FLNB: variants seen among roughly 807,000 people sequenced by gnomAD.
FLNB encodes filamin-B.
A neutral mutation model predicts 250.6 loss-of-function variants in FLNB; 111 were observed. The observed-to-expected ratio is 0.44, with a 90% CI of 0.38 to 0.52. The LOEUF is 0.52. Among genes scored for constraint, FLNB ranks in the 20% least tolerant of loss-of-function variants. The probability of loss-of-function intolerance (pLI) is 0.00; values close to 1 mark genes in which losing one functional copy is unlikely to be tolerated. For missense variants in FLNB, 2,869 were observed against 3,447.8 expected, an observed-to-expected ratio of 0.83 and a Z score of 4.20; for synonymous variants, 1,302 against 1,372.1, an observed-to-expected ratio of 0.95 and a Z score of 1.13.
Position 58,105,226 on chromosome 3 carries a change from C to T in FLNB, c.1747+10C>T, listed in dbSNP as rs1365310856. The stretch of plus-strand genomic sequence containing the variant: ...GAAGTGGGGTCTCTGGGTAAGTGGA[C>T]ACAGCTGACCAGCATCTTCTGGAGG... On this transcript the variant is annotated intron_variant, in intron 11 of 45. Transcript: ENST00000295956. 1.2e-6 allele frequency: 2 copies of T among 1,613,980 alleles called. No homozygotes were observed. The highest frequency in any genetic ancestry group is 2.2e-5 in the East Asian group (1 of 44,872).
chr3:58,039,997 T>G (rs1356532215), intron 1 of FLNB, among the ~76,000 whole-genome samples: 3 of 152,046 alleles, frequency 2.0e-5, no homozygotes, highest in South Asian at 2.1e-4. Flanking sequence ...ATACAAAAAT[T>G]AGCTGGGTCT....
intron 1 of FLNB, among the ~76,000 whole-genome samples, chr3:58,024,222 C>G (rs951510681): frequency 3.3e-5 from 5 of 152,162 alleles, no homozygotes; most frequent in Non-Finnish European, 5.9e-5. Flanking sequence ...GAGCATGGGT[C>G]AGATAGACCT....
At chr3:58,030,973 G>C (rs1407046419) in intron 1 of FLNB, among the ~76,000 whole-genome samples, 1 of 152,110 alleles carries the variant, frequency 6.6e-6, no homozygotes, top group Non-Finnish European at 1.5e-5. Flanking sequence ...AAGGCAAATT[G>C]CAGAGATTTC....
At chr3:58,160,295 T>C (rs1390818304) in intron 42 of FLNB, among the ~76,000 whole-genome samples, 1 of 152,252 alleles carries the variant, frequency 6.6e-6, no homozygotes, top group Non-Finnish European at 1.5e-5. Context: ...CTCTAGGCCC[T>C]AATGTCCTAA....
intron 17 of FLNB, 100 bp downstream of exon 17, chr3:58,111,981 C>A: frequency 8.4e-7 from 1 of 1,196,314 alleles, no homozygotes; most frequent in Non-Finnish European, 1.2e-6. Context: ...CCACCAACAC[C>A]AACACCAAGC....
At chr3:58,146,707 G>C (rs917912618) in intron 33 of FLNB, 113 bp from the exon 34 acceptor site, 4 of 1,096,980 alleles carry the variant, frequency 3.6e-6, no homozygotes, top group African/African-American at 3.1e-5. Flanking sequence ...CGTGGAGTGC[G>C]TCAATCCATT....
chr3:58,155,844 C>T, intron 40 of FLNB, 116 bp from the exon 41 acceptor site: 2 of 721,160 alleles, frequency 2.8e-6, no homozygotes, highest in South Asian at 3.0e-5. Flanking sequence ...AACCAATCAG[C>T]TGTGGCCATT....
intron 5 of FLNB, among the ~76,000 whole-genome samples, chr3:58,095,373 TG>T (rs2107044715): frequency 6.6e-6 from 1 of 152,300 alleles, no homozygotes; most frequent in East Asian, 1.9e-4. Flanking sequence ...GGCTAATTTT[TG>T]TAACCCAAGT....
chr3:58,008,553 C>T lies in FLNB; in HGVS notation c.-12C>T. The T allele has an allele frequency of 2.5e-6, 4 of 1,577,652 alleles. No individual in the cohort carries two copies. The highest frequency in any genetic ancestry group is 3.4e-6 in the Non-Finnish European group (4 of 1,162,732). ...GCAGCTCGTTGCGCATTGCGCTCTCCCCGCCACCAGGATGCCGGTAACCGA... is the reference window on the plus strand; with the variant it reads ...GCAGCTCGTTGCGCATTGCGCTCTCTCCGCCACCAGGATGCCGGTAACCGA... On this transcript the variant is annotated 5_prime_UTR_variant, in exon 1 of 46. Transcript: ENST00000295956.
chr3:58,048,528 C>T (rs900629036), intron 1 of FLNB, among the ~76,000 whole-genome samples: 5 of 152,220 alleles, frequency 3.3e-5, no homozygotes, highest in Non-Finnish European at 7.3e-5. Flanking sequence ...CCCACTGCCT[C>T]ACAGCACAGG....
intron 1 of FLNB, among the ~76,000 whole-genome samples, chr3:58,076,705 C>T (rs1447065202): frequency 6.6e-6 from 1 of 151,976 alleles, no homozygotes; most frequent in African/African-American, 2.4e-5. Flanking sequence ...AGCAATCCTC[C>T]TGCCTCGGCC....
chr3:58,133,657 T>TA (rs1361770790), intron 26 of FLNB, among the ~76,000 whole-genome samples: 91 of 151,598 alleles, frequency 6.0e-4, no homozygotes, highest in African/African-American at 2.0e-3. Context: ...TTGATATTAA[T>TA]ACAAAAAAAA....
chr3:58,080,120 A>G (rs1437283629), intron 3 of FLNB, among the ~76,000 whole-genome samples: 1 of 152,198 alleles, frequency 6.6e-6, no homozygotes, highest in East Asian at 1.9e-4. Flanking sequence ...TGCCAAATCG[A>G]CACACATCCT....
At position 58,018,899 on chromosome 3, in the gene FLNB, C is replaced by T. The variant is rs185514911; in HGVS notation, c.292+10043C>T. ...CTATAATCACAGCACTTTGGAAGGC[C>T]GGTGCTGGAGGATCTATTGAGGCCA... On this transcript the variant is annotated intron_variant, in intron 1 of 45. Coordinates refer to ENST00000295956, the MANE Select transcript of FLNB (RefSeq NM_001457.4). Among the ~76,000 whole-genome samples, 433 of 136,614 alleles carry T rather than the reference C, an allele frequency of 3.2e-3. 3 individuals carry two copies. Among genetic ancestry groups the T allele is most frequent in the Non-Finnish European group, 4.7e-3 (310 of 66,048 alleles). The allele number at this position is 136,614 out of a possible 152,430, so 89.6% of individuals were successfully genotyped here. A position where few individuals can be genotyped will look rare whatever the true frequency, so the allele number is the denominator to read the frequency against.
chr3:58,020,045 A>G (rs1166298270), intron 1 of FLNB, among the ~76,000 whole-genome samples: 2 of 111,030 alleles, frequency 1.8e-5, no homozygotes, highest in Admixed American at 9.5e-5. Context: ...ATGACACCAC[A>G]GGGGTGTGTG....
chr3:58,063,901 T>C (rs958388584), intron 1 of FLNB, among the ~76,000 whole-genome samples: 15 of 152,242 alleles, frequency 9.9e-5, no homozygotes, highest in African/African-American at 3.1e-4. Flanking sequence ...ATTAACTTTT[T>C]ATTATAAAAG....
chr3:58,169,440 T>C lies in FLNB; in HGVS notation c.7418-150T>C. 4 of 707,068 alleles carry C rather than the reference T, an allele frequency of 5.7e-6. No individual in the cohort carries two copies. The highest frequency in any genetic ancestry group is 1.0e-5 in the Non-Finnish European group (4 of 385,846). The allele number at this position is 707,068 out of a possible 1,614,324, so 43.8% of individuals were successfully genotyped here. ...GGGATCCTAGGGGTTTAGAAGACAT[T>C]ATGGGTGTGAGATACAGGTGTGGTG... On this transcript the variant is annotated intron_variant, in intron 44 of 45. Transcript: ENST00000295956. This position sits in a 1 kb window ranked among gnomAD's most constrained non-coding sequence, Gnocchi z 4.8.
intron 12 of FLNB, among the ~76,000 whole-genome samples, chr3:58,107,510 A>C (rs1392185608): frequency 6.6e-6 from 1 of 152,218 alleles, no homozygotes; most frequent in East Asian, 1.9e-4. Flanking sequence ...CCTTTGGCTT[A>C]TGCCTGGCCC....
chr3:58,078,092 G>A (rs2033739), intron 2 of FLNB, among the ~76,000 whole-genome samples: 38,808 of 152,180 alleles, frequency 0.26, 5,976 homozygotes, highest in Middle Eastern at 0.4. Flanking sequence ...CAGTTGGGTA[G>A]GGGAGGGCTG....
Sources: gnomAD v4.1 joint callset for allele counts (sites outside exome capture counted in the v4.1 genomes callset) on GRCh38, gnomAD v4.1.1 for gene constraint, Gnocchi (gnomAD v3.1) non-coding constraint, MANE v1.5 for transcripts, NCBI Gene and HGNC (gene_info 2026-07-23, HGNC 2026-07-21) for gene names.